Variants in FILIP1L observed in about 807,000 individuals in gnomAD.
FILIP1L encodes filamin A-interacting protein 1-like.
In FILIP1L, 55 loss-of-function variants were observed where a neutral mutation model predicts 96.6. The observed-to-expected ratio is 0.57, with a 90% confidence interval of 0.46 to 0.71. FILIP1L has a LOEUF of 0.71. Ranked by LOEUF, FILIP1L falls within the 30% of genes least tolerant of loss-of-function variation. The pLI is 0.00. For missense variants in FILIP1L, 1,304 were observed against 1,321.2 expected, an observed-to-expected ratio of 0.99 and a Z score of 0.20; for synonymous variants, 467 against 473.9, an observed-to-expected ratio of 0.99 and a Z score of 0.19.
chr3:100,036,241 TC>T (rs1202059259), intron 1 of FILIP1L, among the ~76,000 whole-genome samples: 2 of 152,292 alleles, frequency 1.3e-5, no homozygotes, highest in East Asian at 3.9e-4. Context: ...ACATAAAGCT[TC>T]TACATCTCAT....
At chr3:99,979,159 C>T (rs1249333348) in intron 1 of FILIP1L, among the ~76,000 whole-genome samples, 1 of 152,190 alleles carries the variant, frequency 6.6e-6, no homozygotes. Flanking sequence ...GATCATTACA[C>T]ACTGTATACC....
At chr3:100,102,003 C>A (rs138053058) in intron 1 of FILIP1L, among the ~76,000 whole-genome samples, 2,393 of 152,296 alleles carry the variant, frequency 0.016, 57 homozygotes, top group African/African-American at 0.054. Context: ...GCCACATTTT[C>A]TTAATCCAGT....
At chr3:99,900,647 A>G (rs534984759) in intron 4 of FILIP1L, among the ~76,000 whole-genome samples, 1 of 152,360 alleles carries the variant, frequency 6.6e-6, no homozygotes, top group Admixed American at 6.5e-5. Context: ...CAGAACTTCC[A>G]TAAAGTACCA....
Position 99,848,763 on chromosome 3 carries a change from T to G in FILIP1L, c.2913A>C (p.Gln971His), listed in dbSNP as rs200458263. The G allele has an allele frequency of 1.2e-5, 19 of 1,614,188 alleles. No homozygotes were observed. In the Admixed American group the frequency reaches 1.7e-4, roughly 14 times the overall value. ...TTGCCATGGTAATTGGGGACATGCC[T>G]TGTTCTAAATTCATGAGGTCTTCGG... Reference protein sequence around the residue: ...TSTEDLMNLEQGMSPITMATF... With the variant: ...TSTEDLMNLEHGMSPITMATF... The change falls in exon 5 of 6, where the codon CAA (glutamine) becomes CAC (histidine). Residue 971 changes from glutamine (Q) to histidine (H), a missense_variant. By Grantham distance (24) the Gln-to-His change is conservative. Coordinates refer to ENST00000477258, the MANE Select transcript of FILIP1L (RefSeq NM_001387850.1).
chr3:100,029,509 A>G (rs1160278098), intron 1 of FILIP1L, among the ~76,000 whole-genome samples: 3 of 152,210 alleles, frequency 2.0e-5, no homozygotes, highest in Non-Finnish European at 2.9e-5. Context: ...CTAAAAATAT[A>G]GCCTATATAT....
At chr3:100,049,564 A>T (rs1011350843) in intron 1 of FILIP1L, among the ~76,000 whole-genome samples, 13 of 152,186 alleles carry the variant, frequency 8.5e-5, no homozygotes, top group African/African-American at 3.1e-4. Context: ...TTAGAATATA[A>T]AGCCAGAGAT....
At chr3:100,097,685 G>C (rs530533873) in intron 1 of FILIP1L, among the ~76,000 whole-genome samples, 1 of 152,092 alleles carries the variant, frequency 6.6e-6, no homozygotes, top group Non-Finnish European at 1.5e-5. Context: ...AAACTATTAG[G>C]TTATTTTCAG....
At chr3:100,060,871 A>G (rs940211873) in intron 1 of FILIP1L, among the ~76,000 whole-genome samples, 1 of 152,158 alleles carries the variant, frequency 6.6e-6, no homozygotes, top group Non-Finnish European at 1.5e-5. Context: ...CGAAAAAATA[A>G]AAATAAAAAA....
rs1943265192 is a variant in FILIP1L, at chr3:99,844,280, GCTCTGAGTGGAA to G, written c.3381+4003_3381+4014del. Among the ~76,000 whole-genome samples the G allele has an allele frequency of 4.6e-5, 7 of 152,300 alleles. No homozygotes were observed. In the South Asian group the frequency reaches 1.5e-3, roughly 32 times the overall value. ...CGCCCCCAGAGGTTCTCATTGGATAGCTCTGAGTGGAACTTAATATCAGGGGATTCTCACACA... is the reference window on the plus strand; with the variant it reads ...CGCCCCCAGAGGTTCTCATTGGATAGCTTAATATCAGGGGATTCTCACACA... On this transcript the variant is annotated intron_variant, in intron 5 of 5. Transcript: ENST00000477258.
intron 1 of FILIP1L, among the ~76,000 whole-genome samples, chr3:100,087,734 A>C (rs939504274): frequency 6.6e-6 from 1 of 152,056 alleles, no homozygotes; most frequent in African/African-American, 2.4e-5. Flanking sequence ...GAAGAAGACC[A>C]ATTGATCAGT....
intron 4 of FILIP1L, among the ~76,000 whole-genome samples, chr3:99,851,988 ACT>A (rs1347917807): frequency 6.6e-6 from 1 of 152,088 alleles, no homozygotes; most frequent in Non-Finnish European, 1.5e-5. Context: ...CAGAAGAGAA[ACT>A]CTGTTATCAG....
intron 1 of FILIP1L, among the ~76,000 whole-genome samples, chr3:100,001,344 G>A (rs918213681): frequency 1.3e-5 from 2 of 152,190 alleles, no homozygotes; most frequent in Non-Finnish European, 1.5e-5. Flanking sequence ...TGTCAGAGGT[G>A]AGTAGCTGCG....
At position 99,848,981 on chromosome 3, in the gene FILIP1L, C is replaced by G; in HGVS notation, c.2695G>C (p.Gly899Arg). The G allele has an allele frequency of 6.2e-7, 1 of 1,613,998 alleles. No individual in the cohort carries two copies. Among genetic ancestry groups the G allele is most frequent in the Non-Finnish European group, 8.5e-7 (1 of 1,179,978 alleles). ...GTAACCTTTATATGAAGTGGCTGCCCAGGTGTGTGGCTTAGGACTAGATCT... is the reference window on the plus strand; with the variant it reads ...GTAACCTTTATATGAAGTGGCTGCCGAGGTGTGTGGCTTAGGACTAGATCT... The part of the protein sequence containing the change: ...PGDLVLSHTP[G>R]QPLHIKVTPD... The change falls in exon 5 of 6, where the codon GGG (glycine) becomes CGG (arginine). Residue 899 changes from glycine to arginine, a missense_variant. By Grantham distance (125) the Gly-to-Arg change is moderately radical. Coordinates refer to ENST00000477258, the MANE Select transcript of FILIP1L (RefSeq NM_001387850.1).
intron 1 of FILIP1L, among the ~76,000 whole-genome samples, chr3:100,111,364 G>C (rs2066488004): frequency 1.3e-5 from 2 of 152,182 alleles, no homozygotes; most frequent in African/African-American, 4.8e-5. Context: ...CCATGAGGCT[G>C]TGCGTTAGAG....
At chr3:99,928,732 C>T (rs752290821) in intron 3 of FILIP1L, among the ~76,000 whole-genome samples, 16 of 152,176 alleles carry the variant, frequency 1.1e-4, no homozygotes, top group Non-Finnish European at 2.2e-4. Flanking sequence ...TGCATTTGAG[C>T]TCACAGGGGT....
intron 1 of FILIP1L, among the ~76,000 whole-genome samples, chr3:100,089,231 A>C (rs571922656): frequency 4.6e-5 from 7 of 152,320 alleles, no homozygotes; most frequent in Non-Finnish European, 7.4e-5. Context: ...TAGTAATCTT[A>C]TTGATCTGCT....
intron 1 of FILIP1L, among the ~76,000 whole-genome samples, chr3:100,102,865 A>G (rs1452430169): frequency 1.3e-5 from 2 of 152,242 alleles, no homozygotes; most frequent in Non-Finnish European, 2.9e-5. Flanking sequence ...TTTTCTGTTT[A>G]GGGAATGTTG....
rs765504740 is a variant in FILIP1L at position 99,850,850 on chromosome 3, G to A, written c.826C>T (p.Leu276Phe). The change falls in exon 5 of 6, where the codon CTT (leucine) becomes TTT (phenylalanine). Residue 276 changes from leucine (L) to phenylalanine (F), a missense_variant. Coordinates refer to ENST00000477258, the MANE Select transcript of FILIP1L (RefSeq NM_001387850.1). ...TCCTCCTGAACTCTGGCTTCAGCAA[G>A]GGCTAGTTTGGTATGTGTTTCCTTT... ...NAKETHTKLALAEARVQEEEQ... is the reference protein window; with the variant it reads ...NAKETHTKLAFAEARVQEEEQ... 5.0e-6 allele frequency: 8 copies of A among 1,614,146 alleles called. No individual in the cohort carries two copies. In the South Asian group the frequency reaches 7.7e-5, roughly 16 times the overall value.
chr3:99,886,993 C>T (rs1270362707), intron 4 of FILIP1L, among the ~76,000 whole-genome samples: 1 of 150,686 alleles, frequency 6.6e-6, no homozygotes, highest in Non-Finnish European at 1.5e-5. Context: ...AAGTACTGGC[C>T]GGGTGTGGTG....
Sources: allele counts gnomAD v4.1 joint callset (sites outside exome capture counted in the v4.1 genomes callset), GRCh38; gene constraint gnomAD v4.1.1; transcripts MANE v1.5; gene names NCBI Gene and HGNC (gene_info 2026-07-23, HGNC 2026-07-21).